The following P2RY6 variants were observed in gnomAD, a reference collection of about 807,000 sequenced individuals.
P2RY6 encodes P2Y purinoceptor 6.
P2RY6 carries 19 observed loss-of-function variants against 16.3 expected under a neutral mutation model. That is an observed-to-expected ratio of 1.16 (90% CI 0.81 to 1.71). The LOEUF (loss-of-function observed/expected upper bound fraction) is 1.71, where lower values mean the gene tolerates loss of function less well. P2RY6 is among the 40% of genes most tolerant of loss of function. The probability of loss-of-function intolerance (pLI) is 0.00; values close to 1 mark genes in which losing one functional copy is unlikely to be tolerated. For missense variants in P2RY6, 389 were observed against 455.5 expected (o/e 0.85, Z 1.33); for synonymous variants, 184 against 201.5 (o/e 0.91, Z 0.74).
intron 1 of P2RY6, among the ~76,000 whole-genome samples, chr11:73,264,810 C>T (rs1863049496): frequency 6.6e-6 from 1 of 151,884 alleles, no homozygotes; most frequent in Non-Finnish European, 1.5e-5. Context: ...TTACTGTGAG[C>T]GCGATCTGCA....
intron 1 of P2RY6, among the ~76,000 whole-genome samples, chr11:73,293,448 C>A (rs561695589): frequency 8.6e-4 from 131 of 152,294 alleles, no homozygotes; most frequent in African/African-American, 3.0e-3. Flanking sequence ...AGCCCCCCAC[C>A]ATGGGCAGAG....
At position 73,296,972 on chromosome 11, in the gene P2RY6, T is replaced by A; in HGVS notation, c.454T>A (p.Trp152Arg). 1 of 1,602,670 alleles carries A rather than the reference T, an allele frequency of 6.2e-7. No homozygotes were observed. The highest frequency in any genetic ancestry group is 1.1e-5 in the South Asian group (1 of 91,084). Residue 152 changes from tryptophan (W) to arginine (R), a missense_variant, in exon 3 of 3, where the codon TGG becomes AGG. Coordinates refer to ENST00000540124, the MANE Select transcript of P2RY6 (RefSeq NM_001277204.2). ...TGCCTGGCTAGTGTGTGTAGCCGTG[T>A]GGCTGGCCGTGACAACCCAGTGCCT... ...RAAWLVCVAV[W>R]LAVTTQCLPT...
upstream of P2RY6, among the ~76,000 whole-genome samples, chr11:73,267,859 T>G (rs529217445): frequency 1.0e-3 from 156 of 152,332 alleles, no homozygotes; most frequent in Non-Finnish European, 1.4e-3. Context: ...TCTGTGTTCT[T>G]GGGGAAACCT....
intron 1 of P2RY6, among the ~76,000 whole-genome samples, chr11:73,276,167 A>G (rs1482566711): frequency 1.3e-5 from 2 of 152,244 alleles, no homozygotes; most frequent in Non-Finnish European, 2.9e-5. Context: ...CAAAACCACA[A>G]TATGATACCA....
chr11:73,276,589 A>G (rs1330725298), intron 1 of P2RY6, among the ~76,000 whole-genome samples: 1 of 152,208 alleles, frequency 6.6e-6, no homozygotes, highest in Non-Finnish European at 1.5e-5. Context: ...AGACACGCTG[A>G]GTAAAATAAG....
intron 1 of P2RY6, among the ~76,000 whole-genome samples, chr11:73,294,428 G>A (rs997637980): frequency 1.3e-5 from 2 of 152,250 alleles, no homozygotes; most frequent in African/African-American, 4.8e-5. Flanking sequence ...AGAATGGCCT[G>A]AACCAATGAA....
At chr11:73,280,237 C>A (rs1281101220) in intron 1 of P2RY6, among the ~76,000 whole-genome samples, 3 of 152,138 alleles carry the variant, frequency 2.0e-5, no homozygotes, top group African/African-American at 7.2e-5. Context: ...CCTGTGCTAC[C>A]TTGAGCTAAT....
chr11:73,297,451 A>C lies in P2RY6; in HGVS notation c.933A>C (p.Arg311=), dbSNP rs149614765. Residue 311 remains arginine, a synonymous_variant, in exon 3 of 3, where the codon CGA becomes CGC. Coordinates refer to ENST00000540124, the MANE Select transcript of P2RY6 (RefSeq NM_001277204.2). The part of the protein sequence containing the change: ...FYFTQKKFRR[R]PHELLQKLTA... ...TCACCCAGAAGAAGTTCCGCCGGCGACCACATGAGCTCCTACAGAAACTCA... is the reference window on the plus strand; with the variant it reads ...TCACCCAGAAGAAGTTCCGCCGGCGCCCACATGAGCTCCTACAGAAACTCA... The C allele has an allele frequency of 6.2e-7, 1 of 1,612,566 alleles. No homozygotes were observed. Among genetic ancestry groups the C allele is most frequent in the South Asian group, 1.1e-5 (1 of 91,086 alleles).
At chr11:73,292,310 G>A (rs952602508) in intron 1 of P2RY6, among the ~76,000 whole-genome samples, 5 of 152,208 alleles carry the variant, frequency 3.3e-5, no homozygotes, top group South Asian at 2.1e-4. Context: ...GGGAGAAGGC[G>A]GCTGAGTAAG....
At chr11:73,291,148 C>T (rs1864228398) in intron 1 of P2RY6, among the ~76,000 whole-genome samples, 1 of 152,176 alleles carries the variant, frequency 6.6e-6, no homozygotes, top group South Asian at 2.1e-4. Flanking sequence ...TGAGGTTAGT[C>T]CAAGTGCTCT....
chr11:73,285,048 C>T (rs996895831), intron 1 of P2RY6, among the ~76,000 whole-genome samples: 36 of 152,286 alleles, frequency 2.4e-4, no homozygotes, highest in Admixed American at 1.6e-3. Flanking sequence ...AGGTATCATT[C>T]GAGTGACCAC....
chr11:73,275,224 T>C (rs926635485), intron 1 of P2RY6, among the ~76,000 whole-genome samples: 1 of 152,200 alleles, frequency 6.6e-6, no homozygotes, highest in Non-Finnish European at 1.5e-5. Flanking sequence ...CTGCAGTAGC[T>C]GAGACAGAGC....
intron 1 of P2RY6, among the ~76,000 whole-genome samples, chr11:73,287,454 G>A (rs1234319188): frequency 6.6e-6 from 1 of 152,210 alleles, no homozygotes; most frequent in Admixed American, 6.5e-5. Context: ...GAGGGGAGAA[G>A]GGGGATCCCC....
intron 1 of P2RY6, among the ~76,000 whole-genome samples, chr11:73,294,766 G>T (rs985729883): frequency 1.3e-5 from 2 of 152,226 alleles, no homozygotes; most frequent in Non-Finnish European, 2.9e-5. Context: ...ACCTTACTTA[G>T]TAGGTACAGT....
chr11:73,278,599 T>C (rs1046808752), intron 1 of P2RY6, among the ~76,000 whole-genome samples: 1 of 152,154 alleles, frequency 6.6e-6, no homozygotes, highest in African/African-American at 2.4e-5. Flanking sequence ...CTAGGTACCT[T>C]ATATAAGTGG....
chr11:73,292,635 T>G, intron 1 of P2RY6: 1 of 179,604 alleles, frequency 5.6e-6, no homozygotes, highest in Non-Finnish European at 1.1e-5. Context: ...CCTGCTGGGG[T>G]AGGGGAGTAT....
Position 73,296,632 on chromosome 11 carries a change from G to A in P2RY6, c.114G>A (p.Ala38=), listed in dbSNP as rs61745507. The change falls in exon 3 of 3, where the codon GCG becomes GCA. Residue 38 remains alanine (A), a synonymous_variant. Transcript: ENST00000540124. The stretch of plus-strand genomic sequence containing the variant: ...CACCTGTGTATTCGGCGGTGCTGGC[G>A]GCTGGCCTGCCGCTGAACATCTGTG... ...LLPPVYSAVL[A]AGLPLNICVI... is the part of the protein sequence containing the mutation. The A allele has an allele frequency of 7.2e-4, 1,163 of 1,614,196 alleles. 5 individuals carry two copies. In the African/African-American group the frequency reaches 0.014, roughly 19 times the overall value.
chr11:73,277,336 A>ACTCCTGACCTCAAGTGATCCACCCAC (rs11272607), intron 1 of P2RY6, among the ~76,000 whole-genome samples: 34,006 of 151,384 alleles, frequency 0.22, 5,185 homozygotes, highest in African/African-American at 0.44. Flanking sequence ...CCAGTCTCAA[A>ACTCCTGACCTCAAGTGATCCACCCAC]CTCTGCCTCC....
At chr11:73,271,321 G>A (rs752028607), upstream of P2RY6, among the ~76,000 whole-genome samples, 11 of 152,192 alleles carry the variant, frequency 7.2e-5, no homozygotes, top group Non-Finnish European at 1.3e-4. Context: ...ACGAGCCGCG[G>A]ACAAAACCCT....
Sources: gnomAD v4.1 joint callset for allele counts (sites outside exome capture counted in the v4.1 genomes callset) on GRCh38, gnomAD v4.1.1 for gene constraint, MANE v1.5 for transcripts, NCBI Gene and HGNC (gene_info 2026-07-23, HGNC 2026-07-21) for gene names.